CCDC22: variants seen among roughly 807,000 people sequenced by gnomAD.
The protein encoded by CCDC22 is coiled-coil domain-containing protein 22.
In CCDC22, 4 loss-of-function variants were observed where a neutral mutation model predicts 53.1. The observed-to-expected ratio is 0.08, with a 90% CI of 0.04 to 0.17. The LOEUF (loss-of-function observed/expected upper bound fraction) is 0.17. Among genes scored for constraint, CCDC22 ranks in the 10% least tolerant of loss-of-function variants. The pLI is 1.00. For missense variants in CCDC22, 458 were observed against 554.0 expected (o/e 0.83, Z 1.74); for synonymous variants, 222 against 224.4 (o/e 0.99, Z 0.10).
chrX:49,246,632 T>G, intron 6 of CCDC22, 99 bp from the exon 7 acceptor site: 1 of 731,487 alleles, frequency 1.4e-6, no homozygotes, highest in Non-Finnish European at 1.9e-6. Flanking sequence ...GGGGGTGACT[T>G]GTCAGTATAC....
chrX:49,249,340 G>T, intron 14 of CCDC22, 78 bp downstream of exon 14: 1 of 934,945 alleles, frequency 1.1e-6, no homozygotes, highest in South Asian at 2.0e-5. Context: ...GGCTGGCTGG[G>T]GTCCAGACCC....
chrX:49,235,489 C>G lies in CCDC22; in HGVS notation c.-148C>G, dbSNP rs1281264475. ...GGCCTCACATCCGGCATGCGCCGTG[C>G]TCGCTCACAGAACTACACTTTCCAA... On this transcript the variant is annotated 5_prime_UTR_variant, in exon 1 of 17. Transcript: ENST00000376227. The G allele has an allele frequency of 3.6e-6, 2 of 554,182 alleles. No individual in the cohort carries two copies. The highest frequency in any genetic ancestry group is 3.1e-6 in the Non-Finnish European group (1 of 321,288). The allele number at this position is 554,182 out of a possible 1,213,427, so 45.7% of individuals were successfully genotyped here.
Position 49,235,721 on chromosome X carries a change from A to G in CCDC22, c.50+35A>G, listed in dbSNP as rs1557112567. On this transcript the variant is annotated intron_variant, in intron 1 of 16. Coordinates refer to ENST00000376227, the MANE Select transcript of CCDC22 (RefSeq NM_014008.5). ...GAGCCCCCGCCCACCCCCGAAGCCCACATCCGGGACTCTAAAGCCCAGGAC... is the reference window on the plus strand; with the variant it reads ...GAGCCCCCGCCCACCCCCGAAGCCCGCATCCGGGACTCTAAAGCCCAGGAC... 7.2e-6 allele frequency: 8 copies of G among 1,116,989 alleles called. No homozygotes were observed. The African/African-American group carries it at 7.5e-5, about 10-fold the overall frequency. 92.1% of individuals were successfully genotyped at this position (1,116,989 alleles called of 1,213,427 possible).
chrX:49,246,924 T>G lies in CCDC22; in HGVS notation c.908T>G (p.Leu303Arg), dbSNP rs1557114307. 3.4e-6 allele frequency: 4 copies of G among 1,187,571 alleles called. No individual in the cohort carries two copies. Among genetic ancestry groups the G allele is most frequent in the Non-Finnish European group, 4.5e-6 (4 of 882,051 alleles). Residue 303 changes from leucine (L) to arginine (R), a missense_variant and splice_region_variant, in exon 7 of 17, where the codon CTG (leucine) becomes CGG (arginine). Around this residue, in one of 4 missense-constraint regions of CCDC22, gnomAD observed 309 missense variants for 312.3 expected, o/e 0.99. Coordinates refer to ENST00000376227, the MANE Select transcript of CCDC22 (RefSeq NM_014008.5). ...CACTCAGAGAAGTTCACCTTCCATC[T>G]GGTGGGTGCGCCTGAGGACATGAGA... ...FTHSEKFTFH[L>R]EPQAQATQVS...
intron 2 of CCDC22, among the ~76,000 whole-genome samples, chrX:49,241,486 CAAAA>C (rs386416987): frequency 1.2e-4 from 8 of 66,686 alleles, no homozygotes; most frequent in African/African-American, 2.8e-4. Context: ...GACCCTGTCT[CAAAA>C]AAAAAAAAAA....
At position 49,235,523 on chromosome X, in the gene CCDC22, A is replaced by G; in HGVS notation, c.-114A>G. ...AGAACTACACTTTCCAACTCTCCCC[A>G]CACGACCCGTGACACTCTGTGGACC... On this transcript the variant is annotated 5_prime_UTR_variant, in exon 1 of 17. Coordinates refer to ENST00000376227, the MANE Select transcript of CCDC22 (RefSeq NM_014008.5). The G allele has an allele frequency of 1.4e-6, 1 of 705,666 alleles. No individual in the cohort carries two copies. Among genetic ancestry groups the G allele is most frequent in the Non-Finnish European group, 2.2e-6 (1 of 452,417 alleles). The allele number at this position is 705,666 out of a possible 1,213,427, so 58.2% of individuals were successfully genotyped here. A position where few individuals can be genotyped will look rare whatever the true frequency, so the allele number is the denominator to read the frequency against.
Position 49,250,255 on chromosome X carries a change from G to T in CCDC22, c.1878G>T (p.Glu626Asp), listed in dbSNP as rs955673389. ...CTGGCCTCCTAGGCCGGGTCCGGGA[G>T]GCCTGAGGAGCCGCCGGCAGAGGTC... ...ENAGLLGRVR[E>D]A is the part of the protein sequence containing the mutation. The change falls in exon 17 of 17, where the codon GAG becomes GAT. Residue 626 changes from glutamate (E) to aspartate (D), a missense_variant. Coordinates refer to ENST00000376227, the MANE Select transcript of CCDC22 (RefSeq NM_014008.5). The T allele has an allele frequency of 4.9e-5, 54 of 1,104,998 alleles. No individual in the cohort carries two copies. The highest frequency in any genetic ancestry group is 6.6e-5 in the Non-Finnish European group (54 of 817,061). 91.1% of individuals were successfully genotyped at this position (1,104,998 alleles called of 1,213,427 possible).
rs1383016951 is a variant in CCDC22 at position 49,249,763 on chromosome X, C to CG, written c.1770+44dup. On this transcript the variant is annotated intron_variant, in intron 16 of 16. Transcript: ENST00000376227. ...GGCAGGATGGGGAGCCAAGGCGGGC[C>CG]GGGGGGACAGTTCCTCAGGTTATGC... 5 of 1,079,312 alleles carry CG rather than the reference C, an allele frequency of 4.6e-6. No individual in the cohort carries two copies. The African/African-American group carries it at 9.1e-5, about 20-fold the overall frequency. 88.9% of individuals were successfully genotyped at this position (1,079,312 alleles called of 1,213,427 possible).
At chrX:49,241,919 G>T in intron 2 of CCDC22, 97 bp from the exon 3 acceptor site, 1 of 1,001,082 alleles carries the variant, frequency 1.0e-6, no homozygotes, top group East Asian at 3.3e-5. Context: ...GGAGGGTGGT[G>T]GTTAGTGAGA....
intron 2 of CCDC22, among the ~76,000 whole-genome samples, chrX:49,240,571 A>C (rs1351935146): frequency 8.9e-6 from 1 of 111,867 alleles, no homozygotes; most frequent in Non-Finnish European, 1.9e-5. Context: ...AATAAAAAAC[A>C]GGTACATATG....
rs1302905535 is a variant in CCDC22 at position 49,242,936 on chromosome X, C to A, written c.412C>A (p.Leu138Met). 8.5e-7 allele frequency: 1 copy of A among 1,170,941 alleles called. No homozygotes were observed. Among genetic ancestry groups the A allele is most frequent in the Non-Finnish European group, 1.1e-6 (1 of 873,514 alleles). The part of the protein sequence containing the change: ...RAIGSQIRDQ[L>M]ALPWVPPHLR... ...CATTGGGAGCCAAATTCGGGACCAG[C>A]TGGCACTGCCTTGGGTCCCGCCCCA... is the stretch of plus-strand genomic sequence containing the variant. Residue 138 changes from leucine to methionine, a missense_variant, in exon 4 of 17, where the codon CTG becomes ATG. This residue lies in a region of CCDC22 where 309 missense variants were observed against 312.3 expected (regional missense o/e 0.99). Coordinates refer to ENST00000376227, the MANE Select transcript of CCDC22 (RefSeq NM_014008.5).
intron 16 of CCDC22, 70 bp downstream of exon 16, chrX:49,249,795 A>T: frequency 1.1e-6 from 1 of 910,931 alleles, no homozygotes; most frequent in Non-Finnish European, 1.6e-6. Context: ...ATGCTGACAG[A>T]GGCTGTGGAG....
At chrX:49,242,169 G>C (rs782220582) in intron 3 of CCDC22, 21 bp downstream of exon 3, 2 of 1,209,884 alleles carry the variant, frequency 1.7e-6, no homozygotes, top group Non-Finnish European at 2.2e-6. Flanking sequence ...TCTGGGGTGT[G>C]GGCGGGGGCG....
intron 2 of CCDC22, among the ~76,000 whole-genome samples, chrX:49,240,656 C>A (rs782237394): frequency 3.6e-5 from 4 of 112,002 alleles, no homozygotes; most frequent in African/African-American, 9.7e-5. Flanking sequence ...TGTGTGCTGT[C>A]CCTGTAGCCC....
At chrX:49,248,128 G>T in intron 9 of CCDC22, 63 bp from the exon 10 acceptor site, 3 of 1,197,383 alleles carry the variant, frequency 2.5e-6, no homozygotes, top group South Asian at 1.8e-5. Context: ...GGCCACAGGG[G>T]TGTACAGTCA....
In CCDC22 at chrX:49,248,803, A is replaced by G. The variant is rs782493545; in HGVS notation, c.1432-14A>G. The G allele has an allele frequency of 8.8e-5, 106 of 1,206,341 alleles. 2 individuals are homozygous for G. The South Asian group carries it at 1.7e-3, about 19-fold the overall frequency. Reference sequence around the variant, plus strand: ...GGATGGTCCTGGGGCAGTGCCTGCTATATCCCTGCCTAGATGTCAGAGCTG... The same window carrying G: ...GGATGGTCCTGGGGCAGTGCCTGCTGTATCCCTGCCTAGATGTCAGAGCTG... On this transcript the variant is annotated splice_polypyrimidine_tract_variant and intron_variant, in intron 12 of 16. Coordinates refer to ENST00000376227, the MANE Select transcript of CCDC22 (RefSeq NM_014008.5).
chrX:49,242,888 G>A lies in CCDC22; in HGVS notation c.364G>A (p.Asp122Asn), dbSNP rs781864412. 2 of 1,126,127 alleles carry A rather than the reference G, an allele frequency of 1.8e-6. No individual in the cohort carries two copies. Among genetic ancestry groups the A allele is most frequent in the Admixed American group, 5.7e-5 (2 of 35,269 alleles). The allele number at this position is 1,126,127 out of a possible 1,213,427, so 92.8% of individuals were successfully genotyped here. ...CACTTCCTCCCTATCCCCCATAGGTGACTCAGCTATTCTCCTCCGGGCCAT... is the reference window on the plus strand; with the variant it reads ...CACTTCCTCCCTATCCCCCATAGGTAACTCAGCTATTCTCCTCCGGGCCAT... ...ASEDADQPAG[D>N]SAILLRAIGS... Residue 122 changes from aspartate to asparagine, a missense_variant and splice_region_variant, in exon 4 of 17, where the codon GAC becomes AAC. By Grantham distance (23) the Asp-to-Asn change is conservative. Coordinates refer to ENST00000376227, the MANE Select transcript of CCDC22 (RefSeq NM_014008.5).
Position 49,250,126 on chromosome X carries a change from G to A in CCDC22, c.1771-22G>A, listed in dbSNP as rs1557115179. On this transcript the variant is annotated intron_variant, in intron 16 of 16. Coordinates refer to ENST00000376227, the MANE Select transcript of CCDC22 (RefSeq NM_014008.5). ...GAAAGGGGCTGTGTGTGCTGAGGGGGCATGTGTTCACATTGCCTCAGATCG... is the reference window on the plus strand; with the variant it reads ...GAAAGGGGCTGTGTGTGCTGAGGGGACATGTGTTCACATTGCCTCAGATCG... 3.1e-6 allele frequency: 3 copies of A among 954,707 alleles called. No homozygotes were observed. The South Asian group carries it at 6.2e-5, about 20-fold the overall frequency. The allele number at this position is 954,707 out of a possible 1,213,427, so 78.7% of individuals were successfully genotyped here.
At chrX:49,239,680 T>C (rs1368923638) in intron 2 of CCDC22, among the ~76,000 whole-genome samples, 1 of 110,727 alleles carries the variant, frequency 9.0e-6, no homozygotes, top group Non-Finnish European at 1.9e-5. Flanking sequence ...AGTTGTCACA[T>C]TGTTCTCTCT....
Sources: gnomAD v4.1 joint callset for allele counts (sites outside exome capture counted in the v4.1 genomes callset) on GRCh38, gnomAD v4.1.1 for gene constraint, gnomAD v4.1.1 regional missense constraint, MANE v1.5 for transcripts, NCBI Gene and HGNC (gene_info 2026-07-23, HGNC 2026-07-21) for gene names.